Variants in RBMS3 observed in about 807,000 individuals in gnomAD.
The protein encoded by RBMS3 is RNA-binding motif, single-stranded-interacting protein 3.
A neutral mutation model predicts 66.8 loss-of-function variants in RBMS3; 27 were observed. The observed-to-expected ratio is 0.40, with a 90% CI of 0.30 to 0.56. RBMS3 has a LOEUF of 0.56. Among genes scored for constraint, RBMS3 ranks in the 20% least tolerant of loss-of-function variants. RBMS3 has a pLI of 0.40. For synonymous variants in RBMS3, 188 were observed against 183.0 expected (o/e 1.03, Z -0.22); for missense variants, 513 against 549.5 (o/e 0.93, Z 0.66).
chr3:29,647,159 A>G (rs1403604111), intron 4 of RBMS3, among the ~76,000 whole-genome samples: 1 of 152,104 alleles, frequency 6.6e-6, no homozygotes, highest in Non-Finnish European at 1.5e-5. Context: ...TTGTGTTTTT[A>G]GTAGAGATGG....
chr3:29,535,925 C>T (rs373345282), intron 3 of RBMS3, among the ~76,000 whole-genome samples: 1 of 151,722 alleles, frequency 6.6e-6, no homozygotes, highest in African/African-American at 2.4e-5. Flanking sequence ...ACATACATTT[C>T]AGAATAAGTA....
intron 3 of RBMS3, among the ~76,000 whole-genome samples, chr3:29,518,264 C>T (rs372138001): frequency 1.3e-3 from 195 of 152,334 alleles, no homozygotes; most frequent in African/African-American, 4.6e-3. Flanking sequence ...ATCCACCCTC[C>T]TTCTGTGGGC....
chr3:29,694,160 G>A lies in RBMS3; in HGVS notation c.400-45560G>A, dbSNP rs554972060. Among the ~76,000 whole-genome samples the A allele has an allele frequency of 2.0e-5, 3 of 152,114 alleles. No homozygotes were observed. In the South Asian group the frequency reaches 6.2e-4, roughly 32 times the overall value. ...AGTGAGGCAGGTTTGTGTGTTGAGG[G>A]AAGGGGGTGTGCAAGGGGGTGGCCA... is the stretch of plus-strand genomic sequence containing the variant. On this transcript the variant is annotated intron_variant, in intron 4 of 14. Coordinates refer to ENST00000383767, the MANE Select transcript of RBMS3 (RefSeq NM_001003793.3).
intron 1 of RBMS3, among the ~76,000 whole-genome samples, chr3:29,333,425 G>T (rs1299498578): frequency 6.6e-6 from 1 of 151,960 alleles, no homozygotes. Context: ...ACAATTCATG[G>T]GGCTTGATAA....
At chr3:29,807,481 C>G (rs2149452335) in intron 6 of RBMS3, among the ~76,000 whole-genome samples, 2 of 151,858 alleles carry the variant, frequency 1.3e-5, no homozygotes, top group Admixed American at 1.3e-4. Flanking sequence ...GGGTTCTGTC[C>G]CACAGAAATA....
Position 29,476,787 on chromosome 3 carries a change from T to C in RBMS3, c.249-11654T>C, listed in dbSNP as rs78289078. ...AAAATCACCTTCATGGAACTAGTTA[T>C]TTCTGCATTATATGGCTTTGTGTAT... On this transcript the variant is annotated intron_variant, in intron 2 of 14. Transcript: ENST00000383767. 3.9e-3 allele frequency among the ~76,000 whole-genome samples: 592 copies of C among 152,346 alleles called. 4 individuals carry two copies. The highest frequency in any genetic ancestry group is 0.014 in the African/African-American group (568 of 41,580).
At chr3:29,332,660 C>T (rs1311984809) in intron 1 of RBMS3, among the ~76,000 whole-genome samples, 1 of 152,154 alleles carries the variant, frequency 6.6e-6, no homozygotes, top group Non-Finnish European at 1.5e-5. Flanking sequence ...TATACACCCT[C>T]TTTCCAAGAG....
chr3:29,488,542 A>G lies in RBMS3; in HGVS notation c.307+43A>G, dbSNP rs576380548. 1.0e-5 allele frequency: 16 copies of G among 1,536,738 alleles called. 1 individual carries two copies. Among genetic ancestry groups the G allele is most frequent in the Non-Finnish European group, 1.4e-5 (16 of 1,115,028 alleles). On this transcript the variant is annotated intron_variant, in intron 3 of 14. Coordinates refer to ENST00000383767, the MANE Select transcript of RBMS3 (RefSeq NM_001003793.3). ...CGTACCCTGAAATCTTGCCTATGCT[A>G]TCTGATTAATGGTTCTTCCATTGTG...
intron 6 of RBMS3, among the ~76,000 whole-genome samples, chr3:29,845,031 G>A (rs1164392979): frequency 2.0e-5 from 3 of 152,176 alleles, no homozygotes; most frequent in Admixed American, 1.3e-4. Context: ...GATGAAAGGA[G>A]AACACCAGCC....
At chr3:29,992,080 G>T (rs1698913268) in intron 14 of RBMS3, among the ~76,000 whole-genome samples, 1 of 152,048 alleles carries the variant, frequency 6.6e-6, no homozygotes, top group African/African-American at 2.4e-5. Flanking sequence ...AAGTGTCTTG[G>T]CATGCAAACT....
chr3:29,525,944 TA>T (rs2045077048), intron 3 of RBMS3, among the ~76,000 whole-genome samples: 1 of 152,194 alleles, frequency 6.6e-6, no homozygotes, highest in Non-Finnish European at 1.5e-5. Context: ...CAGGATGGTT[TA>T]GCCATTTTAT....
chr3:29,602,302 C>T (rs2048173721), intron 4 of RBMS3, among the ~76,000 whole-genome samples: 1 of 152,042 alleles, frequency 6.6e-6, no homozygotes, highest in South Asian at 2.1e-4. Flanking sequence ...GGACCCATGT[C>T]TGAAACGTTC....
intron 4 of RBMS3, among the ~76,000 whole-genome samples, chr3:29,588,702 T>C (rs1376541944): frequency 6.6e-6 from 1 of 152,084 alleles, no homozygotes; most frequent in Non-Finnish European, 1.5e-5. Context: ...TTTGGATTTT[T>C]TTCATGGACT....
chr3:29,947,894 C>T (rs562961441), intron 12 of RBMS3, among the ~76,000 whole-genome samples: 1 of 150,882 alleles, frequency 6.6e-6, no homozygotes, highest in African/African-American at 2.4e-5. Context: ...CACTAGAGAA[C>T]TAAAGTAGAA....
At chr3:29,767,616 G>A (rs1405742165) in intron 6 of RBMS3, 2 of 151,954 alleles carry the variant, frequency 1.3e-5, no homozygotes, top group Non-Finnish European at 2.9e-5. Flanking sequence ...GTGTGTTGAT[G>A]TAAATAACAA....
chr3:29,933,855 T>C (rs1427210037), intron 10 of RBMS3: 5 of 152,138 alleles, frequency 3.3e-5, no homozygotes, highest in African/African-American at 1.2e-4. Flanking sequence ...ATGACATCTG[T>C]AATCAAATGA....
chr3:29,939,282 ACATACT>A (rs2149694571), intron 11 of RBMS3, among the ~76,000 whole-genome samples: 1 of 152,106 alleles, frequency 6.6e-6, no homozygotes, highest in South Asian at 2.1e-4. Context: ...TATATCATAA[ACATACT>A]CATACTATAT....
rs189764489 is a variant in RBMS3 at position 29,857,275 on chromosome 3, C to T, written c.638-11583C>T. ...TGAGTTGGAGTTCAGTCTAAGGGTG[C>T]GTATGTATTTGCTTCCTTGTTGGAG... On this transcript the variant is annotated intron_variant, in intron 6 of 14. Coordinates refer to ENST00000383767, the MANE Select transcript of RBMS3 (RefSeq NM_001003793.3). Among the ~76,000 whole-genome samples the T allele has an allele frequency of 3.9e-4, 59 of 152,138 alleles. No individual in the cohort carries two copies. The South Asian group carries it at 8.5e-3, about 22-fold the overall frequency.
chr3:29,589,989 C>T (rs1235921589), intron 4 of RBMS3, among the ~76,000 whole-genome samples: 1 of 151,960 alleles, frequency 6.6e-6, no homozygotes, highest in African/African-American at 2.4e-5. Flanking sequence ...CAACCAATAG[C>T]AAGTTACCCA....
Sources: allele counts gnomAD v4.1 joint callset (sites outside exome capture counted in the v4.1 genomes callset), GRCh38; gene constraint gnomAD v4.1.1; transcripts MANE v1.5; gene names NCBI Gene and HGNC (gene_info 2026-07-23, HGNC 2026-07-21).